Variants in ACSL5 observed in about 807,000 individuals in gnomAD.
The protein encoded by ACSL5 is long-chain-fatty-acid--CoA ligase 5.
ACSL5 carries 50 observed loss-of-function variants against 84.9 expected under a neutral mutation model. The observed-to-expected ratio is 0.59, with a 90% confidence interval of 0.47 to 0.75. The LOEUF is 0.75. Ranked by LOEUF, ACSL5 falls within the 30% of genes least tolerant of loss-of-function variation. ACSL5 has a pLI of 0.00. For missense variants in ACSL5, 775 were observed against 830.4 expected, an observed-to-expected ratio of 0.93 and a Z score of 0.82; for synonymous variants, 280 against 300.7, an observed-to-expected ratio of 0.93 and a Z score of 0.71.
At chr10:112,391,204 C>A (rs1849555955) in intron 1 of ACSL5, among the ~76,000 whole-genome samples, 1 of 152,066 alleles carries the variant, frequency 6.6e-6, no homozygotes, top group African/African-American at 2.4e-5. Flanking sequence ...CATGGTGAAA[C>A]CCTCGTCTCT....
At chr10:112,398,545 C>T (rs1406742366) in intron 2 of ACSL5, among the ~76,000 whole-genome samples, 2 of 152,132 alleles carry the variant, frequency 1.3e-5, no homozygotes, top group African/African-American at 2.4e-5. Context: ...GCTGGGACTA[C>T]AGGCATCTGC....
intron 13 of ACSL5, 89 bp downstream of exon 13, chr10:112,417,111 C>G: frequency 7.0e-7 from 1 of 1,429,972 alleles, no homozygotes; most frequent in Admixed American, 2.0e-5. Flanking sequence ...GCTGCTTGAG[C>G]GTCACTTTAA....
At chr10:112,385,493 C>T (rs777869558) in intron 1 of ACSL5, among the ~76,000 whole-genome samples, 1 of 152,216 alleles carries the variant, frequency 6.6e-6, no homozygotes, top group Admixed American at 6.5e-5. Context: ...CCACAATTCA[C>T]GTTGCATTTC....
intron 7 of ACSL5, 66 bp downstream of exon 7, chr10:112,409,751 A>G (rs1441280306): frequency 6.6e-7 from 1 of 1,518,044 alleles, no homozygotes; most frequent in African/African-American, 1.4e-5. Context: ...CTTGCAAGAT[A>G]CCTTCCCAAG....
rs1220540524 is a variant in ACSL5, at chr10:112,398,951, CT to C, written c.208del (p.Cys70AlafsTer89). On this transcript the variant is annotated frameshift_variant, in exon 3 of 21. Transcript: ENST00000354655. LOFTEE classifies it high-confidence loss of function. ...SQKNNDLTSC[C>X]FSDAKTMYEV... is the part of the protein sequence containing the mutation. Reference sequence around the variant, plus strand: ...AGAAGAACAATGACCTAACAAGTTGCTGCTTCTCAGATGCCAAGACTATGTA... The same window carrying C: ...AGAAGAACAATGACCTAACAAGTTGCGCTTCTCAGATGCCAAGACTATGTA... 6.2e-7 allele frequency: 1 copy of C among 1,614,068 alleles called. No individual in the cohort carries two copies.
chr10:112,413,319 C>G lies in ACSL5; in HGVS notation c.1083+12C>G, dbSNP rs766266203. 20 of 1,613,732 alleles carry G rather than the reference C, an allele frequency of 1.2e-5. No individual in the cohort carries two copies. In the East Asian group the frequency reaches 3.6e-4, roughly 29 times the overall value. On this transcript the variant is annotated intron_variant, in intron 12 of 20. Transcript: ENST00000354655. ...GGATCTACGATAAGGTACTAACTTT[C>G]AGCTGAAGGGACTGTCTGTGACTTG... is the stretch of plus-strand genomic sequence containing the variant.
chr10:112,392,389 T>C (rs530422168), intron 1 of ACSL5, among the ~76,000 whole-genome samples: 86 of 114,170 alleles, frequency 7.5e-4, no homozygotes, highest in African/African-American at 2.1e-3. Context: ...GGAGGACCGC[T>C]TGAGCCCAGG....
intron 1 of ACSL5, among the ~76,000 whole-genome samples, chr10:112,384,611 G>A (rs1350667924): frequency 1.3e-5 from 2 of 152,220 alleles, no homozygotes; most frequent in Non-Finnish European, 2.9e-5. Flanking sequence ...TGGCTCAAGC[G>A]ATCCTCCCAC....
intron 15 of ACSL5, 49 bp from the exon 16 acceptor site, chr10:112,421,898 T>C: frequency 6.5e-7 from 1 of 1,546,982 alleles, no homozygotes; most frequent in Non-Finnish European, 8.9e-7. Context: ...GTGCCTGGAA[T>C]TATCACCATG....
rs749803475 is a variant in ACSL5 at position 112,394,979 on chromosome 10, A to G, written c.33A>G (p.Pro11=). The G allele has an allele frequency of 1.2e-6, 2 of 1,612,958 alleles. No individual in the cohort carries two copies. Among genetic ancestry groups the G allele is most frequent in the Non-Finnish European group, 1.7e-6 (2 of 1,179,832 alleles). The change falls in exon 2 of 21, where the codon CCA becomes CCG. Residue 11 remains proline, a synonymous_variant. Transcript: ENST00000354655. MLFIFNFLFS[P]LPTPALICIL... Reference sequence around the variant, plus strand: ...TTATCTTTAACTTTTTGTTTTCCCCACTTCCGACCCCGGCGTTGATCTGCA... The same window carrying G: ...TTATCTTTAACTTTTTGTTTTCCCCGCTTCCGACCCCGGCGTTGATCTGCA...
chr10:112,426,713 C>T, intron 19 of ACSL5, 75 bp from the exon 20 acceptor site: 2 of 1,345,488 alleles, frequency 1.5e-6, no homozygotes, highest in Admixed American at 1.7e-5. Flanking sequence ...TTGACAGGCA[C>T]TTTGAGTTGG....
chr10:112,381,007 C>T (rs185433471), intron 1 of ACSL5, among the ~76,000 whole-genome samples: 188 of 152,240 alleles, frequency 1.2e-3, no homozygotes, highest in Non-Finnish European at 1.8e-3. Flanking sequence ...TGGCCTCAAA[C>T]GATCCTCCAG....
chr10:112,386,861 A>G (rs142630665), intron 1 of ACSL5, among the ~76,000 whole-genome samples: 15 of 152,342 alleles, frequency 9.8e-5, no homozygotes, highest in African/African-American at 3.6e-4. Context: ...TGTATAAAAT[A>G]TAGGAAAGCT....
intron 1 of ACSL5, among the ~76,000 whole-genome samples, chr10:112,382,646 C>T (rs995848438): frequency 1.3e-5 from 2 of 152,168 alleles, no homozygotes; most frequent in African/African-American, 2.4e-5. Context: ...AAGATTTTAC[C>T]AGTGGAGCTG....
intron 13 of ACSL5, 44 bp from the exon 14 acceptor site, chr10:112,417,802 C>A: frequency 1.3e-6 from 2 of 1,544,568 alleles, no homozygotes; most frequent in Non-Finnish European, 1.8e-6. Flanking sequence ...GAAATTGAAG[C>A]CAAGAGAATA....
chr10:112,376,585 C>G, intron 1 of ACSL5: 1 of 1,221,086 alleles, frequency 8.2e-7, no homozygotes, highest in Non-Finnish European at 1.1e-6. Flanking sequence ...ACGGGCACAT[C>G]ATGCTGTCTC....
chr10:112,409,427 T>C, intron 6 of ACSL5, 80 bp from the exon 7 acceptor site: 1 of 1,402,918 alleles, frequency 7.1e-7, no homozygotes, highest in East Asian at 2.3e-5. Flanking sequence ...TGAAAACTTT[T>C]AAAACCTCTT....
intron 1 of ACSL5, among the ~76,000 whole-genome samples, chr10:112,389,162 A>T (rs1262716030): frequency 6.6e-6 from 1 of 152,208 alleles, no homozygotes; most frequent in Admixed American, 6.5e-5. Flanking sequence ...AAAAGGAAAA[A>T]AATCCGAAGC....
chr10:112,416,900 G>A lies in ACSL5; in HGVS notation c.1096G>A (p.Ala366Thr), dbSNP rs1240334731. 2 of 1,613,966 alleles carry A rather than the reference G, an allele frequency of 1.2e-6. No homozygotes were observed. The highest frequency in any genetic ancestry group is 1.7e-5 in the Admixed American group (1 of 60,006). The change falls in exon 13 of 21, where the codon GCC becomes ACC. Residue 366 changes from alanine (A) to threonine (T), a missense_variant. Coordinates refer to ENST00000354655, the MANE Select transcript of ACSL5 (RefSeq NM_203379.2). ...NRIYDKVQNEAKTPLKKFLLK... is the reference protein window; with the variant it reads ...NRIYDKVQNETKTPLKKFLLK... Reference sequence around the variant, plus strand: ...TATCACTCTGCAGGTACAAAATGAGGCCAAGACACCCTTGAAGAAGTTCTT... The same window carrying A: ...TATCACTCTGCAGGTACAAAATGAGACCAAGACACCCTTGAAGAAGTTCTT...
Sources: gnomAD v4.1 joint callset for allele counts (sites outside exome capture counted in the v4.1 genomes callset) on GRCh38, gnomAD v4.1.1 for gene constraint, MANE v1.5 for transcripts, NCBI Gene and HGNC (gene_info 2026-07-23, HGNC 2026-07-21) for gene names.